SGK1: variants seen among roughly 807,000 people sequenced by gnomAD.
SGK1 encodes the protein serine/threonine-protein kinase Sgk1.
Under a neutral mutation model 64.2 loss-of-function variants are expected in SGK1, and 26 were observed. The observed-to-expected ratio is 0.40, with a 90% CI of 0.30 to 0.56. The LOEUF (loss-of-function observed/expected upper bound fraction) is 0.56. SGK1 is among the 20% of genes least tolerant of loss of function. SGK1 has a pLI of 0.38. For missense variants in SGK1, 519 were observed against 645.6 expected (o/e 0.80, Z 2.12); for synonymous variants, 265 against 239.7 (o/e 1.11, Z -0.98).
rs1204471408 is a variant in SGK1, at chr6:134,169,422, T to C, written c.*846A>G. ...CCTGTAAGTTTAAATATACTAGTGT[T>C]ATAACCCAATGTACAGACGTTCTTT... On this transcript the variant is annotated 3_prime_UTR_variant, in exon 14 of 14. Coordinates refer to ENST00000367858, the MANE Select transcript of SGK1 (RefSeq NM_001143676.3). 6.6e-6 allele frequency: 1 copy of C among 152,414 alleles called. No homozygotes were observed. The highest frequency in any genetic ancestry group is 2.4e-5 in the African/African-American group (1 of 41,354). 9.4% of individuals were successfully genotyped at this position (152,414 alleles called of 1,614,324 possible). A position where few individuals can be genotyped will look rare whatever the true frequency, so the allele number is the denominator to read the frequency against.
At chr6:134,311,781 G>C (rs2114803106) in intron 1 of SGK1, among the ~76,000 whole-genome samples, 1 of 152,300 alleles carries the variant, frequency 6.6e-6, no homozygotes, top group Middle Eastern at 3.4e-3. Flanking sequence ...AACTCAAACA[G>C]CTTAGATTTT....
At chr6:134,297,173 G>T in intron 1 of SGK1, 2 of 685,010 alleles carry the variant, frequency 2.9e-6, no homozygotes, top group Non-Finnish European at 5.2e-6. Context: ...CTGCATAGCC[G>T]CTGGTGGTCT....
chr6:134,313,048 C>T (rs1280281814), intron 1 of SGK1, among the ~76,000 whole-genome samples: 1 of 152,216 alleles, frequency 6.6e-6, no homozygotes, highest in Non-Finnish European at 1.5e-5. Context: ...TCTGGCATTA[C>T]AGGCGTGAGC....
At chr6:134,308,033 G>A (rs973294903) in intron 1 of SGK1, among the ~76,000 whole-genome samples, 2 of 152,206 alleles carry the variant, frequency 1.3e-5, no homozygotes, top group African/African-American at 2.4e-5. Context: ...ATGTGAGGCT[G>A]TGAAGAGGAT....
At chr6:134,297,335 G>T in intron 1 of SGK1, 1 of 1,120,104 alleles carries the variant, frequency 8.9e-7, no homozygotes. Context: ...TGTCCTGCTA[G>T]GCCCGCTGCA....
In SGK1 at chr6:134,221,677, G is replaced by T. The variant is rs374818605; in HGVS notation, c.286-14246C>A. Reference sequence around the variant, plus strand: ...ATTTTTTTTTTTTTTTCTTGAGAGGGAGTCTCAGTCTCTCGCCTAGGCTGG... The same window carrying T: ...ATTTTTTTTTTTTTTTCTTGAGAGGTAGTCTCAGTCTCTCGCCTAGGCTGG... On this transcript the variant is annotated intron_variant, in intron 2 of 13. Coordinates refer to ENST00000367858, the MANE Select transcript of SGK1 (RefSeq NM_001143676.3). Among the ~76,000 whole-genome samples, 35 of 151,572 alleles carry T rather than the reference G, an allele frequency of 2.3e-4. 1 individual carries two copies. In the South Asian group the frequency reaches 6.9e-3, roughly 30 times the overall value.
At chr6:134,261,800 C>G (rs770232482) in intron 2 of SGK1, 133 bp downstream of exon 2, 1 of 707,110 alleles carries the variant, frequency 1.4e-6, no homozygotes, top group Non-Finnish European at 2.5e-6. Context: ...GACCACAATT[C>G]TAGGTCTTCC....
chr6:134,230,232 A>T (rs1562258951), intron 2 of SGK1, among the ~76,000 whole-genome samples: 1 of 152,166 alleles, frequency 6.6e-6, no homozygotes, highest in Admixed American at 6.6e-5. Flanking sequence ...CACACCTGTA[A>T]TTCCAGCATT....
At chr6:134,184,081 C>T (rs1437681446) in intron 3 of SGK1, among the ~76,000 whole-genome samples, 1 of 152,040 alleles carries the variant, frequency 6.6e-6, no homozygotes, top group African/African-American at 2.4e-5. Context: ...GCTCTCTGTT[C>T]CCTTTGCAGG....
chr6:134,258,890 A>G (rs1562266829), intron 2 of SGK1, among the ~76,000 whole-genome samples: 1 of 152,134 alleles, frequency 6.6e-6, no homozygotes, highest in Non-Finnish European at 1.5e-5. Context: ...TGGGAGGCTG[A>G]GGTGGGACCA....
At chr6:134,210,621 C>T (rs942373431) in intron 2 of SGK1, among the ~76,000 whole-genome samples, 3 of 150,974 alleles carry the variant, frequency 2.0e-5, no homozygotes, top group South Asian at 2.1e-4. Context: ...GTCAGGAGTT[C>T]GAGACCAGCC....
intron 1 of SGK1, among the ~76,000 whole-genome samples, chr6:134,277,966 G>C (rs1461370180): frequency 6.6e-6 from 1 of 152,154 alleles, no homozygotes; most frequent in African/African-American, 2.4e-5. Context: ...AAGAGAATTG[G>C]ATTCCAGTTC....
At chr6:134,231,428 T>G (rs955684482) in intron 2 of SGK1, among the ~76,000 whole-genome samples, 4 of 152,222 alleles carry the variant, frequency 2.6e-5, no homozygotes, top group African/African-American at 9.6e-5. Context: ...TACACAGAAC[T>G]AATTTTTTAA....
Position 134,179,843 on chromosome 6 carries a change from G to A in SGK1, c.362-5257C>T, listed in dbSNP as rs540901721. Among the ~76,000 whole-genome samples the A allele has an allele frequency of 5.9e-5, 9 of 152,254 alleles. No individual in the cohort carries two copies. The South Asian group carries it at 1.0e-3, about 18-fold the overall frequency. On this transcript the variant is annotated intron_variant, in intron 3 of 13. Coordinates refer to ENST00000367858, the MANE Select transcript of SGK1 (RefSeq NM_001143676.3). The stretch of plus-strand genomic sequence containing the variant: ...AAAGTGAGCCCATAGGAAAATTGAC[G>A]GGAGGGTAGGAACAAGATTTGGTAG...
In SGK1 at chr6:134,186,942, G is replaced by C. The variant is rs143127647; in HGVS notation, c.362-12356C>G. The stretch of plus-strand genomic sequence containing the variant: ...AGCAATTCTCCTGCCTCAGCCTCCC[G>C]AGTAGCTGGGATTACAGGCACCCAC... On this transcript the variant is annotated intron_variant, in intron 3 of 13. Transcript: ENST00000367858. Among the ~76,000 whole-genome samples, 108 of 151,760 alleles carry C rather than the reference G, an allele frequency of 7.1e-4. 1 individual carries two copies. In the East Asian group the frequency reaches 0.016, roughly 22 times the overall value.
intron 2 of SGK1, among the ~76,000 whole-genome samples, chr6:134,256,131 C>T (rs1776680551): frequency 7.5e-6 from 1 of 133,282 alleles, no homozygotes; most frequent in East Asian, 2.2e-4. Flanking sequence ...ATTGCTAAAA[C>T]TACTTTCCTT....
chr6:134,244,633 C>T (rs985119072), intron 2 of SGK1, among the ~76,000 whole-genome samples: 1 of 152,166 alleles, frequency 6.6e-6, no homozygotes, highest in South Asian at 2.1e-4. Context: ...GCTCGCCCTC[C>T]ATGGGCTGCA....
chr6:134,220,981 C>CA (rs201634413), intron 2 of SGK1, among the ~76,000 whole-genome samples: 1,567 of 90,900 alleles, frequency 0.017, 33 homozygotes, highest in African/African-American at 0.048. Context: ...GACTCCGGCT[C>CA]AAAAAAAAAA....
intron 3 of SGK1, among the ~76,000 whole-genome samples, chr6:134,200,598 T>C (rs1162981971): frequency 6.6e-6 from 1 of 152,180 alleles, no homozygotes; most frequent in Non-Finnish European, 1.5e-5. Context: ...ACCCCTAATA[T>C]TTAACTCTAT....
Sources: gnomAD v4.1 joint callset for allele counts (sites outside exome capture counted in the v4.1 genomes callset) on GRCh38, gnomAD v4.1.1 for gene constraint, MANE v1.5 for transcripts, NCBI Gene and HGNC (gene_info 2026-07-23, HGNC 2026-07-21) for gene names.